The following DMD variants were observed in gnomAD, a reference collection of about 807,000 sequenced individuals.
DMD encodes dystrophin, also known as mutant dystrophin.
A neutral mutation model predicts 330.1 loss-of-function variants in DMD; 63 were observed. That is an observed-to-expected ratio of 0.19 (90% CI 0.16 to 0.24). The LOEUF is 0.24. Among genes scored for constraint, DMD ranks in the 10% least tolerant of loss-of-function variants. DMD has a pLI of 1.00. For synonymous variants in DMD, 1,223 were observed against 959.8 expected, an observed-to-expected ratio of 1.27 and a Z score of -5.07; for missense variants, 3,344 against 2,684.1, an observed-to-expected ratio of 1.25 and a Z score of -5.43.
At chrX:31,658,254 A>G (rs2080907100) in intron 53 of DMD, 110 bp from the exon 54 acceptor site, 1 of 864,795 alleles carries the variant, frequency 1.2e-6, no homozygotes, top group Non-Finnish European at 1.7e-6. Context: ...AGGTCAGAAT[A>G]CATATATTAG....
At chrX:32,655,027 AT>A (rs2060457976) in intron 9 of DMD, among the ~76,000 whole-genome samples, 1 of 108,895 alleles carries the variant, frequency 9.2e-6, no homozygotes, top group Admixed American at 9.9e-5. Context: ...CATCTATTTG[AT>A]TCTTCTCTCT....
At chrX:31,891,700 C>T (rs1195130311) in intron 47 of DMD, among the ~76,000 whole-genome samples, 5 of 111,353 alleles carry the variant, frequency 4.5e-5, no homozygotes, top group East Asian at 5.7e-4. Context: ...GTTAAGTAGT[C>T]GTGGCAGAGA....
chrX:33,076,717 G>A lies in DMD; in HGVS notation c.32-56517C>T, dbSNP rs189506823. 8.9e-3 allele frequency among the ~76,000 whole-genome samples: 999 copies of A among 112,031 alleles called. 26 individuals carry two copies. The highest frequency in any genetic ancestry group is 0.061 in the Admixed American group (643 of 10,529). ...TAAATTAGGCCATAGGGCAAAGCAA[G>A]AAAATGAAAGCTTTACTAGGTCAAA... On this transcript the variant is annotated intron_variant, in intron 1 of 78. Coordinates refer to ENST00000357033, the MANE Select transcript of DMD (RefSeq NM_004006.3).
intron 51 of DMD, among the ~76,000 whole-genome samples, chrX:31,748,536 T>C (rs1277626015): frequency 8.9e-6 from 1 of 112,004 alleles, no homozygotes; most frequent in Non-Finnish European, 1.9e-5. Context: ...TCTGCTACAC[T>C]TTCTCGTAAA....
chrX:32,688,166 A>C (rs2063017170), intron 9 of DMD, among the ~76,000 whole-genome samples: 1 of 110,966 alleles, frequency 9.0e-6, no homozygotes, highest in African/African-American at 3.3e-5. Context: ...ATTCATTCAA[A>C]TTCTAGGAAC....
intron 50 of DMD, among the ~76,000 whole-genome samples, chrX:31,795,817 A>G (rs966824767): frequency 3.6e-5 from 4 of 112,228 alleles, no homozygotes; most frequent in Non-Finnish European, 3.8e-5. Context: ...AGGACTAAGT[A>G]GGAAAAAAGG....
intron 44 of DMD, among the ~76,000 whole-genome samples, chrX:32,154,751 C>A (rs1470996320): frequency 9.0e-6 from 1 of 111,121 alleles, no homozygotes; most frequent in Admixed American, 9.6e-5. Flanking sequence ...AATGTAAGCA[C>A]TGATACTAAA....
intron 62 of DMD, among the ~76,000 whole-genome samples, chrX:31,293,767 G>A (rs1033201174): frequency 1.8e-5 from 2 of 112,034 alleles, no homozygotes; most frequent in East Asian, 2.8e-4. Context: ...GCCAGTGCAG[G>A]GTAGATATTA....
chrX:31,747,915 C>T (rs2087991850), intron 51 of DMD, among the ~76,000 whole-genome samples: 1 of 112,146 alleles, frequency 8.9e-6, no homozygotes, highest in Admixed American at 9.5e-5. Flanking sequence ...TGCAGAAAGG[C>T]TGCAGTACCA....
At chrX:31,425,077 C>T (rs931148214) in intron 60 of DMD, among the ~76,000 whole-genome samples, 2 of 112,489 alleles carry the variant, frequency 1.8e-5, no homozygotes, top group African/African-American at 3.2e-5. Context: ...ATCACAAAGT[C>T]TTTCTATCCT....
At chrX:32,454,594 T>G in intron 26 of DMD, 68 bp downstream of exon 26, 6 of 901,218 alleles carry the variant, frequency 6.7e-6, no homozygotes, top group Non-Finnish European at 9.4e-6. Flanking sequence ...ACTTCAAGCA[T>G]TGTTGCATTT....
intron 39 of DMD, among the ~76,000 whole-genome samples, chrX:32,343,829 G>A (rs904081959): frequency 9.0e-6 from 1 of 111,613 alleles, no homozygotes; most frequent in Non-Finnish European, 1.9e-5. Context: ...CATTTTAGTT[G>A]TCTTATAAAC....
chrX:32,739,452 T>C (rs2068951070), intron 7 of DMD, among the ~76,000 whole-genome samples: 6 of 111,930 alleles, frequency 5.4e-5, no homozygotes, highest in Admixed American at 4.8e-4. Flanking sequence ...ATTACCATAA[T>C]ACAAAGCATG....
chrX:33,299,174 G>C (rs2053626895), intron 1 of DMD, among the ~76,000 whole-genome samples: 1 of 110,872 alleles, frequency 9.0e-6, no homozygotes, highest in South Asian at 3.7e-4. Flanking sequence ...TTTCCTGAGA[G>C]TAAGTGGTTA....
intron 12 of DMD, among the ~76,000 whole-genome samples, chrX:32,608,587 T>G (rs1407263305): frequency 9.0e-6 from 1 of 110,797 alleles, no homozygotes; most frequent in Non-Finnish European, 1.9e-5. Context: ...AATTTTTTTT[T>G]GCTGTATGCC....
intron 62 of DMD, among the ~76,000 whole-genome samples, chrX:31,265,783 T>TGGGGGGGGGGG (rs57593344): frequency 2.5e-4 from 4 of 16,268 alleles, no homozygotes; most frequent in Non-Finnish European, 2.9e-4. Context: ...ATTGGGGGTG[T>TGGGGGGGGGGG]GGGGGGGGGG....
intron 2 of DMD, among the ~76,000 whole-genome samples, chrX:33,008,803 C>CACATATGT (rs367795613): frequency 1.6e-5 from 1 of 62,593 alleles, no homozygotes; most frequent in Admixed American, 1.6e-4. Flanking sequence ...CGTATATATA[C>CACATATGT]GTATATATAC....
intron 7 of DMD, among the ~76,000 whole-genome samples, chrX:32,714,477 T>C (rs891423965): frequency 1.8e-5 from 2 of 112,010 alleles, no homozygotes; most frequent in African/African-American, 3.2e-5. Flanking sequence ...GTTTCATCCA[T>C]GTTGCTGCAA....
At chrX:31,822,653 G>GGGTGTGTGTGTGTGTGTGTGTGTGT (rs58903799) in intron 49 of DMD, among the ~76,000 whole-genome samples, 72 of 65,806 alleles carry the variant, frequency 1.1e-3, no homozygotes, top group African/African-American at 2.6e-3. Context: ...AAGGCAGAGG[G>GGGTGTGTGTGTGTGTGTGTGTGTGT]GTGTGTGTGT....
Sources: gnomAD v4.1 joint callset for allele counts (sites outside exome capture counted in the v4.1 genomes callset) on GRCh38, gnomAD v4.1.1 for gene constraint, MANE v1.5 for transcripts, NCBI Gene and HGNC (gene_info 2026-07-23, HGNC 2026-07-21) for gene names.